The following MYH16 variants were observed in gnomAD, a reference collection of about 807,000 sequenced individuals.
MYH16 encodes putative uncharacterized protein MYH16.
chr7:99,304,807 CG>C (rs1792656668), intron 40 of MYH16, 51 bp downstream of exon 21: 3 of 152,572 alleles, frequency 2.0e-5, no homozygotes, highest in Admixed American at 1.3e-4. Flanking sequence ...TCTGGCGGGG[CG>C]GGGGGTATGT....
At chr7:99,302,741 T>C (rs1240373158) in intron 38 of MYH16, among the ~76,000 whole-genome samples, 1 of 150,918 alleles carries the variant, frequency 6.6e-6, no homozygotes, top group Non-Finnish European at 1.5e-5. Context: ...ATTAGTTGGG[T>C]GTGGTGGTGT....
chr7:99,279,824 G>A (rs1792176365), intron 22 of MYH16, 87 bp downstream of exon 4: 2 of 382,354 alleles, frequency 5.2e-6, no homozygotes, highest in Non-Finnish European at 1.0e-5. Context: ...TACACCCAGT[G>A]CCCTGACCAC....
chr7:99,255,369 G>T (rs1339688748), intron 8 of MYH16, among the ~76,000 whole-genome samples: 2 of 151,686 alleles, frequency 1.3e-5, no homozygotes, highest in Non-Finnish European at 2.9e-5. Context: ...GATCACTTAA[G>T]CCCAGGAGTT....
chr7:99,301,320 C>T (rs1315260407), intron 37 of MYH16, among the ~76,000 whole-genome samples: 1 of 152,020 alleles, frequency 6.6e-6, no homozygotes, highest in Non-Finnish European at 1.5e-5. Context: ...CTGGAGAAGG[C>T]TGTGCTGGGA....
intron 32 of MYH16, 53 bp from the exon 14 acceptor site, chr7:99,293,965 G>A (rs1584356767): frequency 3.7e-5 from 15 of 407,184 alleles, no homozygotes; most frequent in South Asian, 2.3e-4. Context: ...TGTGGAGATG[G>A]TGCCTGTAAG....
At position 99,273,332 on chromosome 7, in the gene MYH16, C is replaced by A; in HGVS notation, n.2404-10C>A. 1 of 456,724 alleles carries A rather than the reference C, an allele frequency of 2.2e-6. No individual in the cohort carries two copies. The highest frequency in any genetic ancestry group is 4.4e-6 in the Non-Finnish European group (1 of 226,980). The allele number at this position is 456,724 out of a possible 1,614,324, so 28.3% of individuals were successfully genotyped here. On this transcript the variant is annotated splice_polypyrimidine_tract_variant and intron_variant and non_coding_transcript_variant, in intron 19 of 41. Coordinates refer to ENST00000439784, the Ensembl canonical transcript of MYH16. ...ATTGTAACCCACTCAACCCTGGATT[C>A]TTTTCGCAGAATGGGCCTGAAAGTC...
At chr7:99,246,777 G>A (rs1374530306) in intron 2 of MYH16, among the ~76,000 whole-genome samples, 1 of 151,972 alleles carries the variant, frequency 6.6e-6, no homozygotes, top group Non-Finnish European at 1.5e-5. Context: ...TGGTGAGGGT[G>A]GGGGTGGGCA....
intron 33 of MYH16, among the ~76,000 whole-genome samples, chr7:99,294,667 G>A (rs1233064202): frequency 6.6e-6 from 1 of 151,610 alleles, no homozygotes; most frequent in African/African-American, 2.4e-5. Context: ...CTGGATTCAA[G>A]CAATTCTCAT....
chr7:99,242,869 A>G (rs1384051586), intron 1 of MYH16, among the ~76,000 whole-genome samples: 1 of 152,238 alleles, frequency 6.6e-6, no homozygotes, highest in African/African-American at 2.4e-5. Context: ...GCCAAGAGTC[A>G]CATCTCTGCA....
At chr7:99,254,260 A>AG (rs1791847899) in intron 8 of MYH16, 1 of 152,128 alleles carries the variant, frequency 6.6e-6, no homozygotes, top group African/African-American at 2.4e-5. Flanking sequence ...AGAAAAAAAA[A>AG]GAAAAGAAAA....
At chr7:99,302,309 A>ATAT (rs1267117853) in intron 38 of MYH16, among the ~76,000 whole-genome samples, 73 of 114,444 alleles carry the variant, frequency 6.4e-4, no homozygotes, top group Middle Eastern at 4.1e-3. Flanking sequence ...CAAAAAAAAA[A>ATAT]AAATATATAC....
exon 29 of MYH16, chr7:99,287,931 C>A: frequency 2.2e-6 from 1 of 456,312 alleles, no homozygotes; most frequent in Non-Finnish European, 4.4e-6. Flanking sequence ...GCTGCTGAAG[C>A]TGCGGCGGGA....
At position 99,267,654 on chromosome 7, in the gene MYH16, C is replaced by T. The variant is rs561873221; in HGVS notation, n.2266+680C>T. Among the ~76,000 whole-genome samples the T allele has an allele frequency of 5.3e-5, 8 of 152,314 alleles. No individual in the cohort carries two copies. The East Asian group carries it at 9.6e-4, about 18-fold the overall frequency. On this transcript the variant is annotated intron_variant and non_coding_transcript_variant, in intron 18 of 41. Coordinates refer to ENST00000439784, the Ensembl canonical transcript of MYH16. ...CACTGTAAGCCCAGCTCTGAGCCAGCGGCTGAGATGGGACTGACTCAGACA... is the reference window on the plus strand; with the variant it reads ...CACTGTAAGCCCAGCTCTGAGCCAGTGGCTGAGATGGGACTGACTCAGACA...
intron 36 of MYH16, 81 bp downstream of exon 17, chr7:99,298,076 A>G (rs1792529610): frequency 2.3e-6 from 1 of 432,934 alleles, no homozygotes; most frequent in Non-Finnish European, 4.6e-6. Flanking sequence ...TCTTCCACCT[A>G]CTAGTCGCGT....
exon 35 of MYH16, chr7:99,297,746 G>A (rs916856659): frequency 1.8e-5 from 8 of 456,548 alleles, no homozygotes; most frequent in African/African-American, 6.0e-5. Flanking sequence ...ATTGGAGATG[G>A]AAAAGGAAGA....
At chr7:99,307,380 C>G (rs1378264603), downstream of MYH16, among the ~76,000 whole-genome samples, 1 of 152,094 alleles carries the variant, frequency 6.6e-6, no homozygotes, top group Non-Finnish European at 1.5e-5. Flanking sequence ...CTTTATTCCC[C>G]TTAATTCAGA....
At chr7:99,296,603 C>T (rs1792497334) in intron 33 of MYH16, 98 bp from the exon 15 acceptor site, 1 of 415,690 alleles carries the variant, frequency 2.4e-6, no homozygotes, top group South Asian at 1.7e-5. Context: ...TCAAGAGTTA[C>T]TGGGGAAAGG....
intron 39 of MYH16, among the ~76,000 whole-genome samples, chr7:99,304,068 ACTTGATCGAAATCTCAG>A: frequency 6.6e-6 from 1 of 152,144 alleles, no homozygotes; most frequent in Non-Finnish European, 1.5e-5. Flanking sequence ...GGCTCCTCTC[ACTTGATCGAAATCTCAG>A]GAGTTCAGGA....
At chr7:99,301,426 C>A (rs560315386) in intron 37 of MYH16, among the ~76,000 whole-genome samples, 175 bp from the exon 19 acceptor site, 1 of 152,142 alleles carries the variant, frequency 6.6e-6, no homozygotes, top group African/African-American at 2.4e-5. Context: ...CTCCACCATA[C>A]CATAAACTTC....
Sources: gnomAD v4.1 joint callset for allele counts (sites outside exome capture counted in the v4.1 genomes callset) on GRCh38, gnomAD v4.1.1 for gene constraint, MANE v1.5 for transcripts, NCBI Gene and HGNC (gene_info 2026-07-23, HGNC 2026-07-21) for gene names.